Variants in PRKN observed in about 807,000 individuals in gnomAD.
The protein encoded by PRKN is E3 ubiquitin-protein ligase parkin.
A neutral mutation model predicts 59.5 loss-of-function variants in PRKN; 56 were observed. That is an observed-to-expected ratio of 0.94 (90% CI 0.76 to 1.18). The LOEUF (loss-of-function observed/expected upper bound fraction) is 1.18. Among genes scored for constraint, PRKN ranks in the 50% most tolerant of loss-of-function variants. The pLI, the probability that PRKN is intolerant of heterozygous loss-of-function variation, is 0.00. For missense variants in PRKN, 657 were observed against 596.4 expected (o/e 1.10, Z -1.06); for synonymous variants, 250 against 222.1 (o/e 1.13, Z -1.12).
intron 6 of PRKN, among the ~76,000 whole-genome samples, chr6:161,789,211 T>C (rs2128207548): frequency 6.6e-6 from 1 of 152,322 alleles, no homozygotes; most frequent in South Asian, 2.1e-4. Context: ...AAAAATCTTT[T>C]CATGGCTAGA....
At chr6:162,338,009 A>C (rs1783927003) in intron 2 of PRKN, among the ~76,000 whole-genome samples, 1 of 152,154 alleles carries the variant, frequency 6.6e-6, no homozygotes, top group Non-Finnish European at 1.5e-5. Context: ...TAAGAGGATA[A>C]ATCTAAAAAT....
At chr6:161,696,787 T>G (rs572132538) in intron 7 of PRKN, among the ~76,000 whole-genome samples, 1 of 152,354 alleles carries the variant, frequency 6.6e-6, no homozygotes, top group African/African-American at 2.4e-5. Flanking sequence ...TTCATGCTAT[T>G]CACACAAATG....
chr6:161,604,511 C>A (rs1299899247), intron 7 of PRKN, among the ~76,000 whole-genome samples: 1 of 152,152 alleles, frequency 6.6e-6, no homozygotes, highest in Non-Finnish European at 1.5e-5. Flanking sequence ...TGGCCAGAAT[C>A]GAAGTCAAAT....
chr6:162,509,382 AC>A (rs1273695595), intron 1 of PRKN, among the ~76,000 whole-genome samples: 1 of 152,188 alleles, frequency 6.6e-6, no homozygotes, highest in African/African-American at 2.4e-5. Flanking sequence ...AGTATATATG[AC>A]CAAATTTGTA....
At position 162,680,175 on chromosome 6, in the gene PRKN, T is replaced by C. The variant is rs560499936; in HGVS notation, c.7+47487A>G. Among the ~76,000 whole-genome samples the C allele has an allele frequency of 4.6e-5, 7 of 151,304 alleles. No individual in the cohort carries two copies. In the South Asian group the frequency reaches 1.2e-3, roughly 27 times the overall value. On this transcript the variant is annotated intron_variant, in intron 1 of 11. Coordinates refer to ENST00000366898, the MANE Select transcript of PRKN (RefSeq NM_004562.3). ...CACTTAATATATACTTAATTAAGCA[T>C]ATATATACTAAATAATATTTGAGGA...
chr6:161,811,113 T>C (rs575325548), intron 6 of PRKN, among the ~76,000 whole-genome samples: 1 of 152,290 alleles, frequency 6.6e-6, no homozygotes, highest in African/African-American at 2.4e-5. Context: ...TATATGGAAA[T>C]ATAATGATCT....
intron 4 of PRKN, among the ~76,000 whole-genome samples, chr6:162,085,957 T>G (rs770910241): frequency 6.6e-6 from 1 of 152,146 alleles, no homozygotes; most frequent in Non-Finnish European, 1.5e-5. Context: ...ATGAGAAAGA[T>G]TTGCCATTCT....
chr6:162,280,189 C>T (rs774635365), intron 2 of PRKN, among the ~76,000 whole-genome samples: 4 of 152,088 alleles, frequency 2.6e-5, no homozygotes, highest in Non-Finnish European at 4.4e-5. Flanking sequence ...AATACTACTA[C>T]GTGTGAATTT....
chr6:162,532,236 A>G (rs1326000948), intron 1 of PRKN, among the ~76,000 whole-genome samples: 1 of 114,254 alleles, frequency 8.8e-6, no homozygotes, highest in Non-Finnish European at 2.2e-5. Flanking sequence ...AAAACTAGCA[A>G]CCTAGCTTTC....
chr6:161,895,301 T>C (rs9364622), intron 6 of PRKN, among the ~76,000 whole-genome samples: 74,968 of 151,940 alleles, frequency 0.49, 20,004 homozygotes, highest in African/African-American at 0.7. Context: ...AGAGGAGACC[T>C]GAACGATTGG....
At chr6:162,230,969 T>C (rs1460809904) in intron 3 of PRKN, among the ~76,000 whole-genome samples, 1 of 152,218 alleles carries the variant, frequency 6.6e-6, no homozygotes, top group East Asian at 1.9e-4. Flanking sequence ...GTCTCCCCAA[T>C]GTGATGTAAA....
chr6:161,692,109 C>T (rs1300896909), intron 7 of PRKN, among the ~76,000 whole-genome samples: 4 of 152,122 alleles, frequency 2.6e-5, no homozygotes, highest in South Asian at 2.1e-4. Flanking sequence ...AAGATGCAGG[C>T]GAAACTTGAA....
rs576499983 is a variant in PRKN at position 162,093,861 on chromosome 6, C to T, written c.535-39687G>A. Among the ~76,000 whole-genome samples the T allele has an allele frequency of 3.3e-5, 5 of 152,184 alleles. No individual in the cohort carries two copies. The South Asian group carries it at 6.2e-4, about 19-fold the overall frequency. On this transcript the variant is annotated intron_variant, in intron 4 of 11. Transcript: ENST00000366898. ...TCTTCCTTGTTTCCTCTGCACCTCA[C>T]CTCGTGCTGAGCACATGCAGACTCA... is the stretch of plus-strand genomic sequence containing the variant.
intron 4 of PRKN, among the ~76,000 whole-genome samples, chr6:162,179,546 T>C (rs1256814861): frequency 1.3e-5 from 2 of 152,102 alleles, no homozygotes; most frequent in Non-Finnish European, 2.9e-5. Flanking sequence ...AGTTGAAAAA[T>C]GTGGGTAACT....
At chr6:162,216,468 T>G (rs942570637) in intron 3 of PRKN, among the ~76,000 whole-genome samples, 8 of 137,084 alleles carry the variant, frequency 5.8e-5, no homozygotes, top group Non-Finnish European at 1.2e-4. Flanking sequence ...AAGCGGAGCT[T>G]GCAGTGAGCC....
At chr6:162,012,466 T>C (rs1169835642) in intron 5 of PRKN, among the ~76,000 whole-genome samples, 2 of 151,974 alleles carry the variant, frequency 1.3e-5, no homozygotes, top group Admixed American at 1.3e-4. Flanking sequence ...ATGTAATTAC[T>C]TTTTCTAAAC....
At chr6:161,759,007 T>A (rs1304203860) in intron 7 of PRKN, among the ~76,000 whole-genome samples, 1 of 151,958 alleles carries the variant, frequency 6.6e-6, no homozygotes, top group Non-Finnish European at 1.5e-5. Flanking sequence ...TGAAACCCCG[T>A]CTCTACTAAA....
chr6:162,167,660 G>A (rs1171254321), intron 4 of PRKN, among the ~76,000 whole-genome samples: 3 of 149,670 alleles, frequency 2.0e-5, no homozygotes, highest in African/African-American at 4.9e-5. Flanking sequence ...ATAAGATGAC[G>A]TACTTCACAA....
At chr6:161,651,994 G>A (rs1784166400) in intron 7 of PRKN, among the ~76,000 whole-genome samples, 1 of 152,208 alleles carries the variant, frequency 6.6e-6, no homozygotes, top group Admixed American at 6.5e-5. Context: ...CAGAATTCAT[G>A]ACACTCTGCA....
Sources: allele counts gnomAD v4.1 joint callset (sites outside exome capture counted in the v4.1 genomes callset), GRCh38; gene constraint gnomAD v4.1.1; transcripts MANE v1.5; gene names NCBI Gene and HGNC (gene_info 2026-07-23, HGNC 2026-07-21).